The following ADAMTS2 variants were observed in gnomAD, a reference collection of about 807,000 sequenced individuals.
ADAMTS2 encodes the protein ADAM metallopeptidase with thrombospondin type 1 motif 2.
A neutral mutation model predicts 123.0 loss-of-function variants in ADAMTS2; 50 were observed. That is an observed-to-expected ratio of 0.41 (90% CI 0.32 to 0.51). The LOEUF is 0.51. ADAMTS2 is among the 20% of genes least tolerant of loss of function. The pLI is 0.35. For missense variants in ADAMTS2, 1,494 were observed against 1,705.2 expected (o/e 0.88, Z 2.18); for synonymous variants, 678 against 695.4 (o/e 0.98, Z 0.39).
At chr5:179,265,076 C>A (rs937585963) in intron 3 of ADAMTS2, among the ~76,000 whole-genome samples, 1 of 127,758 alleles carries the variant, frequency 7.8e-6, no homozygotes, top group Admixed American at 7.8e-5. Flanking sequence ...CCGCTGCCCA[C>A]CCCACTCACC....
At position 179,150,497 on chromosome 5, in the gene ADAMTS2, C is replaced by T. The variant is rs542557739; in HGVS notation, c.1629+1645G>A. ...ATGTTCACAGCGGCGTGACTCACGA[C>T]GGCCAAAAGGTGGAAACCAACCAAA... On this transcript the variant is annotated intron_variant, in intron 10 of 21. Coordinates refer to ENST00000251582, the MANE Select transcript of ADAMTS2 (RefSeq NM_014244.5). 7.0e-4 allele frequency among the ~76,000 whole-genome samples: 107 copies of T among 152,334 alleles called. 1 individual carries two copies. The highest frequency in any genetic ancestry group is 2.4e-3 in the African/African-American group (101 of 41,576).
intron 5 of ADAMTS2, among the ~76,000 whole-genome samples, chr5:179,171,842 C>T (rs931988731): frequency 2.0e-5 from 3 of 152,156 alleles, no homozygotes; most frequent in Middle Eastern, 3.2e-3. Context: ...CCTGAATTCC[C>T]GGGGTCTGAC....
chr5:179,313,151 C>T (rs1190764088), intron 2 of ADAMTS2, among the ~76,000 whole-genome samples: 4 of 152,266 alleles, frequency 2.6e-5, no homozygotes, highest in African/African-American at 7.2e-5. Context: ...AAAGCCTTAC[C>T]GGGGCTCCCT....
chr5:179,333,441 A>G (rs1416759542), intron 2 of ADAMTS2, among the ~76,000 whole-genome samples: 2 of 152,208 alleles, frequency 1.3e-5, no homozygotes, highest in Non-Finnish European at 2.9e-5. Flanking sequence ...CCCAGGGCTC[A>G]CGCAGGTCTG....
intron 2 of ADAMTS2, among the ~76,000 whole-genome samples, chr5:179,329,258 C>A (rs1757413731): frequency 6.7e-6 from 1 of 148,892 alleles, no homozygotes; most frequent in Non-Finnish European, 1.5e-5. Context: ...ACCCAGGAGG[C>A]AGAGCTTGCA....
intron 2 of ADAMTS2, among the ~76,000 whole-genome samples, chr5:179,343,201 C>T (rs4700800): frequency 0.2 from 30,551 of 152,206 alleles, 3,274 homozygotes; most frequent in Admixed American, 0.26. Context: ...TGGTATTACC[C>T]GCACGCAAGG....
intron 2 of ADAMTS2, among the ~76,000 whole-genome samples, chr5:179,333,596 G>GTTTTT (rs1219136980): frequency 1.2e-4 from 13 of 105,960 alleles, no homozygotes; most frequent in Non-Finnish European, 1.6e-4. Context: ...GTTTTTTTCT[G>GTTTTT]TTTTTTTTTT....
chr5:179,311,805 G>A (rs943141319), intron 2 of ADAMTS2, among the ~76,000 whole-genome samples: 28 of 152,054 alleles, frequency 1.8e-4, no homozygotes, highest in Admixed American at 3.9e-4. Flanking sequence ...TGCTGTATTC[G>A]GAGTTGAGCC....
At chr5:179,194,083 C>A (rs1365567610) in intron 4 of ADAMTS2, among the ~76,000 whole-genome samples, 1 of 152,204 alleles carries the variant, frequency 6.6e-6, no homozygotes, top group Non-Finnish European at 1.5e-5. Context: ...GACTCTAACT[C>A]CCATTCTGAC....
intron 5 of ADAMTS2, among the ~76,000 whole-genome samples, chr5:179,178,301 C>CGGA (rs1763974379): frequency 6.6e-6 from 1 of 151,004 alleles, no homozygotes; most frequent in African/African-American, 2.4e-5. Context: ...GAGCTGGAAC[C>CGGA]GGATTGCTGG....
At chr5:179,174,055 G>A (rs975762896) in intron 5 of ADAMTS2, among the ~76,000 whole-genome samples, 26 of 151,792 alleles carry the variant, frequency 1.7e-4, no homozygotes, top group Middle Eastern at 3.4e-3. Flanking sequence ...CATTTTTAAG[G>A]GCAGTGATAA....
rs1561814252 is a variant in ADAMTS2 at position 179,223,526 on chromosome 5, A to ATG, written c.689-15812_689-15811insCA. ...CACACTCATACGAATGCACTCACAC[A>ATG]CATGCACTCACACTCACACGAATGC... is the stretch of plus-strand genomic sequence containing the variant. On this transcript the variant is annotated intron_variant, in intron 3 of 21. Transcript: ENST00000251582. Among the ~76,000 whole-genome samples, 4 of 126,800 alleles carry ATG rather than the reference A, an allele frequency of 3.2e-5. No homozygotes were observed. In the East Asian group the frequency reaches 9.8e-4, roughly 31 times the overall value. 83.2% of individuals were successfully genotyped at this position (126,800 alleles called of 152,430 possible). A position where few individuals can be genotyped will look rare whatever the true frequency, so the allele number is the denominator to read the frequency against.
At chr5:179,276,223 G>A (rs1213275392) in intron 2 of ADAMTS2, among the ~76,000 whole-genome samples, 3 of 152,182 alleles carry the variant, frequency 2.0e-5, no homozygotes, top group African/African-American at 7.2e-5. Flanking sequence ...CAGGCGGGAA[G>A]AACACAGCCA....
chr5:179,180,624 C>G lies in ADAMTS2; in HGVS notation c.975+448G>C, dbSNP rs1468487990. On this transcript the variant is annotated intron_variant, in intron 5 of 21. Transcript: ENST00000251582. The surrounding 1 kb of genome is among the most constrained non-coding windows in gnomAD (Gnocchi z 4.6). ...CTCTGAGCCACTATCCCCCTGCCCT[C>G]ATTACCCAGAAAACTAACTCAGGAC... 6.6e-6 allele frequency among the ~76,000 whole-genome samples: 1 copy of G among 152,186 alleles called. No individual in the cohort carries two copies. Among genetic ancestry groups the G allele is most frequent in the Non-Finnish European group, 1.5e-5 (1 of 68,052 alleles).
In ADAMTS2 at chr5:179,121,768, G is replaced by A; in HGVS notation, c.3089-18C>T. 6.6e-7 allele frequency: 1 copy of A among 1,522,934 alleles called. No homozygotes were observed. Among genetic ancestry groups the A allele is most frequent in the Non-Finnish European group, 8.9e-7 (1 of 1,126,972 alleles). 94.3% of individuals were successfully genotyped at this position (1,522,934 alleles called of 1,614,324 possible). On this transcript the variant is annotated intron_variant, in intron 20 of 21. Transcript: ENST00000251582. The stretch of plus-strand genomic sequence containing the variant: ...GATGTTTCCTAGAGGGAGGAGAGAG[G>A]GGCTGCGGCCGCAGGGCACCAGGCT...
chr5:179,192,983 T>A (rs917728427), intron 4 of ADAMTS2, among the ~76,000 whole-genome samples: 6 of 152,136 alleles, frequency 3.9e-5, no homozygotes, highest in African/African-American at 1.4e-4. Flanking sequence ...CCCAGCGGGC[T>A]CCCAGGGTGG....
At chr5:179,154,314 C>A in intron 7 of ADAMTS2, 122 bp from the exon 8 acceptor site, 1 of 1,405,642 alleles carries the variant, frequency 7.1e-7, no homozygotes, top group Non-Finnish European at 9.6e-7. Flanking sequence ...TTGGCCCACT[C>A]TGAGCCGGGT....
intron 2 of ADAMTS2, among the ~76,000 whole-genome samples, chr5:179,296,845 C>T (rs569951479): frequency 6.6e-6 from 1 of 152,238 alleles, no homozygotes; most frequent in South Asian, 2.1e-4. Context: ...ACTAACACAA[C>T]CATCAATGGG....
At chr5:179,147,891 T>C (rs561191648) in intron 10 of ADAMTS2, among the ~76,000 whole-genome samples, 3 of 152,294 alleles carry the variant, frequency 2.0e-5, no homozygotes, top group African/African-American at 7.2e-5. Context: ...TAATCAAGTA[T>C]GGTTAAAATA....
Sources: gnomAD v4.1 joint callset for allele counts (sites outside exome capture counted in the v4.1 genomes callset) on GRCh38, gnomAD v4.1.1 for gene constraint, Gnocchi (gnomAD v3.1) non-coding constraint, MANE v1.5 for transcripts, NCBI Gene and HGNC (gene_info 2026-07-23, HGNC 2026-07-21) for gene names.